The following RAB3IL1 variants were observed in gnomAD, a reference collection of about 807,000 sequenced individuals.
RAB3IL1 encodes the protein guanine nucleotide exchange factor for Rab-3A.
Under a neutral mutation model 49.2 loss-of-function variants are expected in RAB3IL1, and 37 were observed. That is an observed-to-expected ratio of 0.75 (90% CI 0.58 to 0.99). RAB3IL1 has a LOEUF of 0.99. RAB3IL1 is among the 50% of genes least tolerant of loss of function. RAB3IL1 has a pLI of 0.00. For synonymous variants in RAB3IL1, 193 were observed against 213.9 expected, an observed-to-expected ratio of 0.90 and a Z score of 0.85; for missense variants, 484 against 513.0, an observed-to-expected ratio of 0.94 and a Z score of 0.55.
chr11:61,924,933 CAG>C (rs1409744900), upstream of RAB3IL1, among the ~76,000 whole-genome samples: 1 of 152,200 alleles, frequency 6.6e-6, no homozygotes, highest in African/African-American at 2.4e-5. Flanking sequence ...TATTAGAGAA[CAG>C]AGAATCCATC....
Position 61,898,505 on chromosome 11 carries a change from G to A in RAB3IL1, c.1067-145C>T, listed in dbSNP as rs1304413013. 2.9e-6 allele frequency: 2 copies of A among 685,144 alleles called. No homozygotes were observed. The highest frequency in any genetic ancestry group is 5.1e-5 in the East Asian group (2 of 39,222). 42.4% of individuals were successfully genotyped at this position (685,144 alleles called of 1,614,324 possible). ...CCCCCAAAACAGATGACCTCAGTGA[G>A]TGGCTGGACCTCTCTGAGGCTCCAC... On this transcript the variant is annotated intron_variant, in intron 9 of 9. Coordinates refer to ENST00000394836, the MANE Select transcript of RAB3IL1 (RefSeq NM_013401.4). This position sits in a 1 kb window ranked among gnomAD's most constrained non-coding sequence, Gnocchi z 5.1.
chr11:61,943,262 T>C, the RAB3IL1 span, among the ~76,000 whole-genome samples: 2 of 152,162 alleles, frequency 1.3e-5, no homozygotes, highest in African/African-American at 2.4e-5. Flanking sequence ...TCAACAAATA[T>C]ACATGGACAC....
In RAB3IL1 at chr11:61,906,951, G is replaced by A. The variant is rs1591226333; in HGVS notation, c.439-267C>T. Among the ~76,000 whole-genome samples, 1 of 152,206 alleles carries A rather than the reference G, an allele frequency of 6.6e-6. No homozygotes were observed. The highest frequency in any genetic ancestry group is 1.5e-5 in the Non-Finnish European group (1 of 68,036). On this transcript the variant is annotated intron_variant, in intron 4 of 9. Transcript: ENST00000394836. This position sits in a 1 kb window ranked among gnomAD's most constrained non-coding sequence, Gnocchi z 4.6. ...GAACAAGTGTCTGGGAGCTGGCTGG[G>A]CCTCCCATGAGAGTTCTGGGACCGC...
At position 61,908,069 on chromosome 11, in the gene RAB3IL1, C is replaced by T; in HGVS notation, c.249G>A (p.Leu83=). 3 of 1,611,166 alleles carry T rather than the reference C, an allele frequency of 1.9e-6. No individual in the cohort carries two copies. The highest frequency in any genetic ancestry group is 4.5e-5 in the East Asian group (2 of 44,830). ...AGGCACCCACCTTCTGCGCTCTGTG[C>T]AGCTCCTCCTTCAGGAACTCGGAGC... is the stretch of plus-strand genomic sequence containing the variant. The part of the protein sequence containing the change: ...EKGSEFLKEE[L]HRAQKELKLK... The change falls in exon 2 of 10, where the codon CTG becomes CTA. Residue 83 remains leucine, a synonymous_variant. Coordinates refer to ENST00000394836, the MANE Select transcript of RAB3IL1 (RefSeq NM_013401.4).
the RAB3IL1 span, among the ~76,000 whole-genome samples, chr11:61,940,888 C>G: frequency 6.6e-6 from 1 of 152,016 alleles, no homozygotes; most frequent in African/African-American, 2.4e-5. Flanking sequence ...CCACTGCACT[C>G]CAGCCTGGGC....
chr11:61,931,769 C>T, the RAB3IL1 span, among the ~76,000 whole-genome samples: 3 of 151,938 alleles, frequency 2.0e-5, no homozygotes, highest in East Asian at 1.9e-4. Context: ...CACAGAACAA[C>T]AAAAACTATT....
At chr11:61,912,586 A>G (rs1939503142) in intron 1 of RAB3IL1, among the ~76,000 whole-genome samples, 1 of 152,232 alleles carries the variant, frequency 6.6e-6, no homozygotes, top group Admixed American at 6.5e-5. Context: ...CCTGGTTTCC[A>G]GATGAGGCCC....
At chr11:61,945,819 A>G in the RAB3IL1 span, 1 of 985,180 alleles carries the variant, frequency 1.0e-6, no homozygotes, top group African/African-American at 1.7e-5. Flanking sequence ...CTCGCAGCAC[A>G]GTGGATCCTC....
intron 7 of RAB3IL1, among the ~76,000 whole-genome samples, chr11:61,903,248 C>T (rs1939012671): frequency 6.6e-6 from 1 of 152,080 alleles, no homozygotes; most frequent in Admixed American, 6.6e-5. Context: ...AGCAGCAGTA[C>T]TTTTGGCCTG....
At chr11:61,909,755 G>A (rs780898590) in intron 1 of RAB3IL1, among the ~76,000 whole-genome samples, 1 of 152,210 alleles carries the variant, frequency 6.6e-6, no homozygotes, top group Admixed American at 6.5e-5. Context: ...CTGTGCCCTG[G>A]GGACTCACTC....
rs1164465777 is a variant in RAB3IL1, at chr11:61,907,629, C to T, written c.296G>A (p.Arg99Gln). ...ELKLKDEECERLSKVREQLEQ... is the reference protein window; with the variant it reads ...ELKLKDEECEQLSKVREQLEQ... ...TAGCTGCTCCCGCACCTTGGACAGC[C>T]GCTCACATTCCTCGTCCTTTAGCTT... The change falls in exon 3 of 10, where the codon CGG (arginine) becomes CAG (glutamine). Residue 99 changes from arginine to glutamine, a missense_variant. Coordinates refer to ENST00000394836, the MANE Select transcript of RAB3IL1 (RefSeq NM_013401.4). 4 of 1,613,968 alleles carry T rather than the reference C, an allele frequency of 2.5e-6. No individual in the cohort carries two copies. The highest frequency in any genetic ancestry group is 3.4e-6 in the Non-Finnish European group (4 of 1,180,022).
intron 9 of RAB3IL1, 23 bp downstream of exon 9, chr11:61,899,291 A>G: frequency 1.3e-6 from 2 of 1,599,304 alleles, no homozygotes; most frequent in Non-Finnish European, 1.7e-6. Context: ...CGATCCCTGC[A>G]CCGGCCACCA....
At chr11:61,938,107 G>A in the RAB3IL1 span, 1 of 152,184 alleles carries the variant, frequency 6.6e-6, no homozygotes, top group Non-Finnish European at 1.5e-5. Context: ...AAGGATGGAA[G>A]ATATTCCAGG....
the RAB3IL1 span, among the ~76,000 whole-genome samples, chr11:61,929,884 CTTTTTTT>C: frequency 7.5e-5 from 5 of 66,418 alleles, no homozygotes; most frequent in South Asian, 9.9e-4. Flanking sequence ...CCGCGCCCGG[CTTTTTTT>C]TTTTTTTTTT....
At chr11:61,899,272 T>G in intron 9 of RAB3IL1, 42 bp downstream of exon 9, 1 of 1,581,944 alleles carries the variant, frequency 6.3e-7, no homozygotes, top group Non-Finnish European at 8.6e-7. Flanking sequence ...CCAGCCCCAC[T>G]CCCGTGTGCG....
rs962555178 is a variant in RAB3IL1, at chr11:61,917,521, G to C, written c.-154C>G. The stretch of plus-strand genomic sequence containing the variant: ...CGGTCAGTAGGTCTCAGACGCCTGG[G>C]CTCGCGGCCCCCAGCCCAGCCCCGA... On this transcript the variant is annotated 5_prime_UTR_variant, in exon 1 of 10. Coordinates refer to ENST00000394836, the MANE Select transcript of RAB3IL1 (RefSeq NM_013401.4). 1.2e-5 allele frequency: 14 copies of C among 1,120,710 alleles called. No homozygotes were observed. In the African/African-American group the frequency reaches 2.2e-4, roughly 17 times the overall value. 69.4% of individuals were successfully genotyped at this position (1,120,710 alleles called of 1,614,324 possible).
chr11:61,942,227 G>T, the RAB3IL1 span, among the ~76,000 whole-genome samples: 2 of 152,098 alleles, frequency 1.3e-5, no homozygotes, highest in Non-Finnish European at 2.9e-5. Flanking sequence ...AAACAAACAA[G>T]ATGTGCTTTG....
At chr11:61,907,730 A>G in intron 2 of RAB3IL1, 70 bp from the exon 3 acceptor site, 1 of 1,378,836 alleles carries the variant, frequency 7.3e-7, no homozygotes, top group Non-Finnish European at 1.0e-6. Flanking sequence ...GACCAGGCCC[A>G]CCGGACCAGG....
intron 8 of RAB3IL1, among the ~76,000 whole-genome samples, chr11:61,901,577 A>G (rs1398665046): frequency 6.6e-6 from 1 of 152,202 alleles, no homozygotes; most frequent in Non-Finnish European, 1.5e-5. Flanking sequence ...TTCATACATA[A>G]GGCTGCATCT....
Sources: gnomAD v4.1 joint callset for allele counts (sites outside exome capture counted in the v4.1 genomes callset) on GRCh38, gnomAD v4.1.1 for gene constraint, Gnocchi (gnomAD v3.1) non-coding constraint, MANE v1.5 for transcripts, NCBI Gene and HGNC (gene_info 2026-07-23, HGNC 2026-07-21) for gene names.